Variants in KCNG3 observed in about 807,000 individuals in gnomAD.
KCNG3 encodes potassium voltage-gated channel modifier subfamily G member 3, also known as voltage-gated potassium channel regulatory subunit KCNG3.
KCNG3 carries 15 observed loss-of-function variants against 29.0 expected under a neutral mutation model. The observed-to-expected ratio is 0.52, with a 90% CI of 0.35 to 0.80. The LOEUF is 0.80. KCNG3 is among the 30% of genes least tolerant of loss of function. KCNG3 has a pLI of 0.01. For synonymous variants in KCNG3, 322 were observed against 248.9 expected (o/e 1.29, Z -2.76); for missense variants, 512 against 605.7 (o/e 0.85, Z 1.62).
At chr2:42,485,638 CG>C (rs1456729008) in intron 1 of KCNG3, among the ~76,000 whole-genome samples, 1 of 152,026 alleles carries the variant, frequency 6.6e-6, no homozygotes. Context: ...TTAGCAGAGA[CG>C]GGGTCTCACC....
At position 42,444,438 on chromosome 2, in the gene KCNG3, C is replaced by T. The variant is rs746556006; in HGVS notation, c.807G>A (p.Val269=). 8.1e-6 allele frequency: 13 copies of T among 1,614,028 alleles called. No individual in the cohort carries two copies. The highest frequency in any genetic ancestry group is 1.1e-5 in the South Asian group (1 of 91,072). The part of the protein sequence containing the change: ...LLAITPYYIS[V]LMTVFTGENS... ...TCTCGCCTGTAAACACTGTCATCAA[C>T]ACAGAGATGTAATACGGCGTGATTG... Residue 269 remains valine (V), a synonymous_variant, in exon 2 of 2, where the codon GTG becomes GTA. Coordinates refer to ENST00000306078, the MANE Select transcript of KCNG3 (RefSeq NM_133329.6). This position sits in a 1 kb window ranked among gnomAD's most constrained non-coding sequence, Gnocchi z 5.8.
chr2:42,424,328 C>G, the KCNG3 span, among the ~76,000 whole-genome samples: 1 of 151,494 alleles, frequency 6.6e-6, no homozygotes, highest in Non-Finnish European at 1.5e-5. Flanking sequence ...TTACAGGGGA[C>G]AGAGATGATG....
chr2:42,493,009 TG>T lies in KCNG3; in HGVS notation c.492del (p.Thr165ArgfsTer17). 2 of 1,529,236 alleles carry T rather than the reference TG, an allele frequency of 1.3e-6. No homozygotes were observed. The highest frequency in any genetic ancestry group is 8.8e-7 in the Non-Finnish European group (1 of 1,142,146). 94.7% of individuals were successfully genotyped at this position (1,529,236 alleles called of 1,614,324 possible). On this transcript the variant is annotated frameshift_variant, in exon 1 of 2. Coordinates refer to ENST00000306078, the MANE Select transcript of KCNG3 (RefSeq NM_133329.6). LOFTEE classifies it high-confidence loss of function. ...AGGATCTGCGCGGCCAGCGACGACG[TG>T]GGCTCCTCGAAGGTCCGCCGCATGC... ...LERMRRTFEE[P>X]TSSLAAQILA...
chr2:42,421,332 A>C, the KCNG3 span, among the ~76,000 whole-genome samples: 2 of 152,310 alleles, frequency 1.3e-5, no homozygotes, highest in African/African-American at 4.8e-5. Flanking sequence ...ATAATAAAGA[A>C]AGATCAACAG....
the KCNG3 span, among the ~76,000 whole-genome samples, chr2:42,421,636 TTTGGG>T: frequency 5.3e-5 from 8 of 152,220 alleles, no homozygotes; most frequent in African/African-American, 1.2e-4. Flanking sequence ...TCAGTGTTTA[TTTGGG>T]GCCAGCTGTG....
the KCNG3 span, among the ~76,000 whole-genome samples, chr2:42,422,453 T>G: frequency 6.6e-6 from 1 of 152,220 alleles, no homozygotes; most frequent in Middle Eastern, 3.4e-3. Context: ...GTTCACAGAT[T>G]ACCCTGTCCG....
At position 42,493,523 on chromosome 2, in the gene KCNG3, TC is replaced by T; in HGVS notation, c.-23del. ...TCATGGCTGGCCGCCCGGGGGACTTTCGGCCCGAGGGCCCCGCTGCAGCCCC... is the reference window on the plus strand; with the variant it reads ...TCATGGCTGGCCGCCCGGGGGACTTTGGCCCGAGGGCCCCGCTGCAGCCCC... On this transcript the variant is annotated 5_prime_UTR_variant, in exon 1 of 2. Transcript: ENST00000306078. 2.2e-6 allele frequency: 3 copies of T among 1,342,756 alleles called. No homozygotes were observed. The highest frequency in any genetic ancestry group is 2.8e-6 in the Non-Finnish European group (3 of 1,054,758). 83.2% of individuals were successfully genotyped at this position (1,342,756 alleles called of 1,614,324 possible). A position where few individuals can be genotyped will look rare whatever the true frequency, so the allele number is the denominator to read the frequency against.
chr2:42,422,112 A>C, the KCNG3 span, among the ~76,000 whole-genome samples: 1 of 152,198 alleles, frequency 6.6e-6, no homozygotes, highest in Non-Finnish European at 1.5e-5. Context: ...GGGTGTGGTA[A>C]AACCGACAGT....
chr2:42,408,089 G>T, the KCNG3 span, among the ~76,000 whole-genome samples: 1 of 152,196 alleles, frequency 6.6e-6, no homozygotes, highest in Non-Finnish European at 1.5e-5. Flanking sequence ...CTGCCACCTT[G>T]GCCCCCTCTG....
Position 42,479,949 on chromosome 2 carries a change from T to C in KCNG3, c.665+12888A>G, listed in dbSNP as rs558964414. Among the ~76,000 whole-genome samples, 8 of 152,098 alleles carry C rather than the reference T, an allele frequency of 5.3e-5. No homozygotes were observed. In the East Asian group the frequency reaches 1.4e-3, roughly 26 times the overall value. Reference sequence around the variant, plus strand: ...ATTGCTTGAACCCAGGAGGTGGAGGTTGCAGTGAGCTGAGATTGCATGCAC... The same window carrying C: ...ATTGCTTGAACCCAGGAGGTGGAGGCTGCAGTGAGCTGAGATTGCATGCAC... On this transcript the variant is annotated intron_variant, in intron 1 of 1. Transcript: ENST00000306078.
At chr2:42,449,031 A>G (rs1177664404) in intron 1 of KCNG3, among the ~76,000 whole-genome samples, 2 of 152,046 alleles carry the variant, frequency 1.3e-5, no homozygotes, top group Non-Finnish European at 2.9e-5. Flanking sequence ...AACTTTTCAT[A>G]TACTTGGGTT....
chr2:42,406,777 A>G, the KCNG3 span, among the ~76,000 whole-genome samples: 3 of 150,178 alleles, frequency 2.0e-5, no homozygotes, highest in African/African-American at 7.3e-5. Flanking sequence ...CAGTGAGCTG[A>G]GATCGCACCA....
intron 1 of KCNG3, chr2:42,470,138 G>C (rs1335271158): frequency 2.3e-6 from 1 of 436,010 alleles, no homozygotes; most frequent in Non-Finnish European, 4.3e-6. Context: ...AAAGGATAAG[G>C]ATGCTAAATT....
chr2:42,452,239 ATATATTT>A (rs898698151), intron 1 of KCNG3, among the ~76,000 whole-genome samples: 11 of 69,294 alleles, frequency 1.6e-4, no homozygotes, highest in Non-Finnish European at 2.2e-4. Context: ...ATATATATAT[ATATATTT>A]TTTTTTTTTT....
the KCNG3 span, among the ~76,000 whole-genome samples, chr2:42,413,538 G>A: frequency 6.6e-6 from 1 of 150,816 alleles, no homozygotes; most frequent in African/African-American, 2.4e-5. Context: ...TCTATTTCTA[G>A]TCTTCTAGTC....
the KCNG3 span, among the ~76,000 whole-genome samples, chr2:42,433,934 C>G: frequency 1.3e-5 from 2 of 152,140 alleles, no homozygotes; most frequent in East Asian, 3.9e-4. Flanking sequence ...TAAGTTAAAC[C>G]AAACAAATGC....
At chr2:42,437,740 C>G (rs1672399037), downstream of KCNG3, among the ~76,000 whole-genome samples, 1 of 151,954 alleles carries the variant, frequency 6.6e-6, no homozygotes, top group Admixed American at 6.6e-5. Flanking sequence ...GAGATCGAGA[C>G]CAGCCCGGCC....
rs562691878 is a variant in KCNG3, at chr2:42,493,697, C to T, written c.-196G>A. The T allele has an allele frequency of 3.9e-5, 15 of 386,404 alleles. No homozygotes were observed. Among genetic ancestry groups the T allele is most frequent in the Middle Eastern group, 1.4e-3 (2 of 1,426 alleles). The allele number at this position is 386,404 out of a possible 1,614,324, so 23.9% of individuals were successfully genotyped here. A position where few individuals can be genotyped will look rare whatever the true frequency, so the allele number is the denominator to read the frequency against. ...AGTATCTCCGGCGCTGCTAGTAGCG[C>T]GCCCTCCGCCCGGCGGTACCTGCGG... On this transcript the variant is annotated 5_prime_UTR_variant, in exon 1 of 2. Coordinates refer to ENST00000306078, the MANE Select transcript of KCNG3 (RefSeq NM_133329.6).
At chr2:42,482,712 G>A (rs1673619434) in intron 1 of KCNG3, among the ~76,000 whole-genome samples, 1 of 152,272 alleles carries the variant, frequency 6.6e-6, no homozygotes, top group South Asian at 2.1e-4. Flanking sequence ...CTGGCAAACA[G>A]AGCAAGACTC....
Sources: gnomAD v4.1 joint callset for allele counts (sites outside exome capture counted in the v4.1 genomes callset) on GRCh38, gnomAD v4.1.1 for gene constraint, Gnocchi (gnomAD v3.1) non-coding constraint, MANE v1.5 for transcripts, NCBI Gene and HGNC (gene_info 2026-07-23, HGNC 2026-07-21) for gene names.